CDH18: variants seen among roughly 807,000 people sequenced by gnomAD.
CDH18 encodes cadherin 18.
Under a neutral mutation model 67.9 loss-of-function variants are expected in CDH18, and 31 were observed. The ratio of observed to expected loss-of-function variants is 0.46; its 90% CI spans 0.34 to 0.62. CDH18 has a LOEUF of 0.62. Ranked by LOEUF, CDH18 falls within the 20% of genes least tolerant of loss-of-function variation. CDH18 has a pLI of 0.01. For synonymous variants in CDH18, 362 were observed against 347.2 expected (o/e 1.04, Z -0.48); for missense variants, 890 against 975.5 (o/e 0.91, Z 1.17).
At chr5:19,966,373 G>A (rs10044357) in intron 2 of CDH18, among the ~76,000 whole-genome samples, 18,818 of 152,078 alleles carry the variant, frequency 0.12, 3,332 homozygotes, top group African/African-American at 0.39. Context: ...GAAGGCCTGA[G>A]AGAAGATTAA....
At chr5:19,603,801 T>C (rs886839441) in intron 6 of CDH18, among the ~76,000 whole-genome samples, 1 of 149,202 alleles carries the variant, frequency 6.7e-6, no homozygotes, top group Non-Finnish European at 1.5e-5. Flanking sequence ...GTTTATAGTA[T>C]CAATAAAATA....
At chr5:19,550,166 G>A (rs968221726) in intron 8 of CDH18, among the ~76,000 whole-genome samples, 5 of 152,010 alleles carry the variant, frequency 3.3e-5, no homozygotes, top group Middle Eastern at 3.2e-3. Context: ...AAAGAAAAAA[G>A]CTTCATGTAG....
chr5:19,879,126 G>GCTCA (rs1180413706), intron 2 of CDH18, among the ~76,000 whole-genome samples: 2 of 151,936 alleles, frequency 1.3e-5, no homozygotes, highest in Non-Finnish European at 2.9e-5. Context: ...TTCAGCTAAA[G>GCTCA]TTATCTTAAC....
At chr5:20,503,251 T>A (rs1754450418) in intron 1 of CDH18, among the ~76,000 whole-genome samples, 1 of 148,000 alleles carries the variant, frequency 6.8e-6, no homozygotes, top group African/African-American at 2.5e-5. Context: ...TTTTTTTTTT[T>A]ACATTTTCCC....
intron 1 of CDH18, among the ~76,000 whole-genome samples, chr5:20,349,200 G>T (rs189829670): frequency 9.9e-5 from 15 of 152,186 alleles, no homozygotes; most frequent in African/African-American, 2.9e-4. Flanking sequence ...GGCCATTTTA[G>T]ATTTCTTTTA....
At chr5:20,314,021 A>G (rs960478300) in intron 1 of CDH18, among the ~76,000 whole-genome samples, 1 of 151,974 alleles carries the variant, frequency 6.6e-6, no homozygotes, top group Non-Finnish European at 1.5e-5. Flanking sequence ...CTTACTTGGG[A>G]TAATATTTAA....
At chr5:19,767,095 A>G (rs1307493622) in intron 3 of CDH18, among the ~76,000 whole-genome samples, 4 of 151,854 alleles carry the variant, frequency 2.6e-5, no homozygotes, top group African/African-American at 9.7e-5. Flanking sequence ...CAAAAATTTA[A>G]AAAACACAAA....
At chr5:19,758,662 C>T (rs375710543) in intron 3 of CDH18, among the ~76,000 whole-genome samples, 16 of 152,324 alleles carry the variant, frequency 1.1e-4, no homozygotes, top group Admixed American at 2.6e-4. Context: ...CTAAGCATTG[C>T]GCCTCTTTCT....
intron 2 of CDH18, among the ~76,000 whole-genome samples, chr5:20,171,019 C>A (rs1024088907): frequency 6.9e-6 from 1 of 144,080 alleles, no homozygotes; most frequent in African/African-American, 2.6e-5. Flanking sequence ...CATTCATGTT[C>A]CTGCAAAGTA....
intron 8 of CDH18, among the ~76,000 whole-genome samples, chr5:19,566,363 T>A (rs1213275022): frequency 6.6e-6 from 1 of 152,204 alleles, no homozygotes; most frequent in Admixed American, 6.5e-5. Flanking sequence ...GCAGCAATCC[T>A]GCTGCTATGT....
chr5:20,202,864 T>G (rs1739560347), intron 2 of CDH18, among the ~76,000 whole-genome samples: 1 of 152,026 alleles, frequency 6.6e-6, no homozygotes, highest in African/African-American at 2.4e-5. Flanking sequence ...GGGAGTTTCT[T>G]GCAAAATAGC....
chr5:20,331,610 G>A (rs1401091512), intron 1 of CDH18, among the ~76,000 whole-genome samples: 1 of 152,034 alleles, frequency 6.6e-6, no homozygotes, highest in Non-Finnish European at 1.5e-5. Flanking sequence ...ATTTCAACAG[G>A]AGCACTTAGT....
chr5:20,080,351 T>C (rs1744345530), intron 2 of CDH18, among the ~76,000 whole-genome samples: 1 of 152,192 alleles, frequency 6.6e-6, no homozygotes. Context: ...TAATATAATT[T>C]AGTAATAGTG....
intron 2 of CDH18, among the ~76,000 whole-genome samples, chr5:20,075,372 G>A (rs1004292728): frequency 6.6e-6 from 1 of 152,224 alleles, no homozygotes; most frequent in South Asian, 2.1e-4. Flanking sequence ...GCATTATGCT[G>A]TGTGGCTGTA....
intron 2 of CDH18, among the ~76,000 whole-genome samples, chr5:20,217,793 C>A (rs1252566396): frequency 2.0e-5 from 3 of 151,332 alleles, no homozygotes; most frequent in African/African-American, 7.3e-5. Context: ...ATTTCACCAA[C>A]AAAATGAAAA....
chr5:20,278,936 A>G (rs1746013076), intron 1 of CDH18, among the ~76,000 whole-genome samples: 1 of 152,112 alleles, frequency 6.6e-6, no homozygotes, highest in South Asian at 2.1e-4. Flanking sequence ...CAGAGAAACT[A>G]AAAAATGAAA....
intron 2 of CDH18, among the ~76,000 whole-genome samples, chr5:20,208,204 C>A (rs1042306853): frequency 1.3e-5 from 2 of 152,050 alleles, no homozygotes; most frequent in Admixed American, 1.3e-4. Flanking sequence ...TCTTACATGG[C>A]AACAAGCAAG....
intron 2 of CDH18, among the ~76,000 whole-genome samples, chr5:19,970,493 A>C (rs1797920268): frequency 6.6e-6 from 1 of 151,446 alleles, no homozygotes; most frequent in Admixed American, 6.6e-5. Flanking sequence ...CAAAATTTTA[A>C]AATATAGTTA....
At chr5:19,562,106 A>G (rs923076061) in intron 8 of CDH18, among the ~76,000 whole-genome samples, 14 of 152,196 alleles carry the variant, frequency 9.2e-5, no homozygotes, top group African/African-American at 2.4e-4. Flanking sequence ...GAGGATTGCC[A>G]TGAAGAGAAC....
Sources: gnomAD v4.1 joint callset for allele counts (sites outside exome capture counted in the v4.1 genomes callset) on GRCh38, gnomAD v4.1.1 for gene constraint, MANE v1.5 for transcripts, NCBI Gene and HGNC (gene_info 2026-07-23, HGNC 2026-07-21) for gene names.